The following PCDHA9 variants were observed in gnomAD, a reference collection of about 807,000 sequenced individuals.
The protein encoded by PCDHA9 is protocadherin alpha 9.
In PCDHA9, 62 loss-of-function variants were observed where a neutral mutation model predicts 62.0. That is an observed-to-expected ratio of 1.00 (90% CI 0.81 to 1.23). The LOEUF is 1.23. PCDHA9 is among the 50% of genes most tolerant of loss of function. The pLI, the probability that PCDHA9 is intolerant of heterozygous loss-of-function variation, is 0.00. For synonymous variants in PCDHA9, 557 were observed against 567.6 expected, an observed-to-expected ratio of 0.98 and a Z score of 0.27; for missense variants, 1,205 against 1,249.8, an observed-to-expected ratio of 0.96 and a Z score of 0.54.
intron 2 of PCDHA9, among the ~76,000 whole-genome samples, chr5:140,980,549 G>A (rs1382828581): frequency 1.3e-5 from 2 of 152,162 alleles, no homozygotes; most frequent in Non-Finnish European, 2.9e-5. Context: ...AGAATCGCTT[G>A]AACCCGGGAG....
At chr5:140,901,128 A>G (rs1429296842) in intron 1 of PCDHA9, among the ~76,000 whole-genome samples, 3 of 152,114 alleles carry the variant, frequency 2.0e-5, no homozygotes, top group South Asian at 2.1e-4. Flanking sequence ...TTAGATGGGT[A>G]GATTGTAAAT....
chr5:140,860,028 C>A (rs2046140974), intron 1 of PCDHA9: 1 of 151,914 alleles, frequency 6.6e-6, no homozygotes, highest in South Asian at 2.1e-4. Context: ...GTGGCTCACA[C>A]CTGTAATCCC....
At chr5:140,996,947 T>C (rs1224598113) in intron 3 of PCDHA9, among the ~76,000 whole-genome samples, 2 of 152,176 alleles carry the variant, frequency 1.3e-5, no homozygotes, top group Non-Finnish European at 2.9e-5. Context: ...CATAGAAATA[T>C]TTATTTCCCT....
chr5:140,965,654 G>A (rs1194762396), intron 1 of PCDHA9, among the ~76,000 whole-genome samples: 5 of 152,150 alleles, frequency 3.3e-5, no homozygotes, highest in Non-Finnish European at 7.4e-5. Flanking sequence ...GAAAGAAAAT[G>A]TCTTGGGTGA....
chr5:140,971,778 G>T (rs1346530602), intron 1 of PCDHA9, among the ~76,000 whole-genome samples: 1 of 151,860 alleles, frequency 6.6e-6, no homozygotes, highest in Admixed American at 6.6e-5. Flanking sequence ...TATTATTCAA[G>T]ATTATTCAAT....
intron 1 of PCDHA9, among the ~76,000 whole-genome samples, chr5:140,972,812 C>T (rs782305867): frequency 5.3e-5 from 8 of 151,914 alleles, no homozygotes; most frequent in East Asian, 3.9e-4. Context: ...TACAGGCACG[C>T]GCCACCACGC....
At chr5:140,967,845 A>G in intron 1 of PCDHA9, 3 of 1,614,160 alleles carry the variant, frequency 1.9e-6, no homozygotes, top group Non-Finnish European at 2.5e-6. Flanking sequence ...GACGTGAATG[A>G]CAATGCCCCA....
At chr5:141,005,930 G>C (rs1179599253) in intron 3 of PCDHA9, among the ~76,000 whole-genome samples, 1 of 151,958 alleles carries the variant, frequency 6.6e-6, no homozygotes, top group African/African-American at 2.4e-5. Context: ...CTGGTTGACA[G>C]AGTGAGAACC....
chr5:140,930,411 A>C (rs1554207797), intron 1 of PCDHA9: 2 of 149,218 alleles, frequency 1.3e-5, no homozygotes, highest in African/African-American at 2.5e-5. Context: ...TTTTTGAGAC[A>C]GGGGTCTCAC....
chr5:140,997,971 G>A (rs2097791982), intron 3 of PCDHA9, among the ~76,000 whole-genome samples: 3 of 152,086 alleles, frequency 2.0e-5, no homozygotes, highest in Admixed American at 2.0e-4. Context: ...CCTGTGGTTG[G>A]ACTGCACTTG....
At position 140,858,521 on chromosome 5, in the gene PCDHA9, A is replaced by T. The variant is rs782589492; in HGVS notation, c.2394+7632A>T. 6.3e-6 allele frequency: 9 copies of T among 1,420,880 alleles called. 2 individuals are homozygous for T. The African/African-American group carries it at 1.3e-4, about 20-fold the overall frequency. 88.0% of individuals were successfully genotyped at this position (1,420,880 alleles called of 1,614,324 possible). ...CATTTTCTCAAATATGTATCAGAAT[A>T]TTTCATTTTTGTCTACATTCCATTT... On this transcript the variant is annotated intron_variant, in intron 1 of 3. Transcript: ENST00000532602.
chr5:140,930,747 CAT>C (rs2087070106), intron 1 of PCDHA9, among the ~76,000 whole-genome samples: 1 of 152,116 alleles, frequency 6.6e-6, no homozygotes, highest in Non-Finnish European at 1.5e-5. Context: ...AATAAATTTA[CAT>C]ATGTTAAAAT....
chr5:140,928,570 C>G, intron 1 of PCDHA9: 1 of 1,614,196 alleles, frequency 6.2e-7, no homozygotes, highest in Non-Finnish European at 8.5e-7. Flanking sequence ...GTTTCCCTTG[C>G]CCAGAAATGG....
In PCDHA9 at chr5:140,904,790, G is replaced by T. The variant is rs139747501; in HGVS notation, c.2394+53901G>T. 2.6e-3 allele frequency among the ~76,000 whole-genome samples: 392 copies of T among 152,018 alleles called. 4 individuals carry two copies. In the East Asian group the frequency reaches 0.045, roughly 17 times the overall value. The stretch of plus-strand genomic sequence containing the variant: ...TGGTATCACATTATTGTTTTAATTT[G>T]CATTTTCCTGATAATTAGTGATGTT... On this transcript the variant is annotated intron_variant, in intron 1 of 3. Coordinates refer to ENST00000532602, the MANE Select transcript of PCDHA9 (RefSeq NM_031857.2).
intron 1 of PCDHA9, chr5:140,968,554 A>G (rs782240700): frequency 1.9e-6 from 3 of 1,614,162 alleles, no homozygotes; most frequent in Non-Finnish European, 2.5e-6. Context: ...TGGTGCCTCG[A>G]ACTGCCCCTG....
In PCDHA9 at chr5:140,852,899, G is replaced by A; in HGVS notation, c.2394+2010G>A. On this transcript the variant is annotated intron_variant, in intron 1 of 3. Transcript: ENST00000532602. ...TCATAAAACGTATTTTTTTTTTTGA[G>A]TCAGAGTCTCGCTCTGTTGCCCAGG... 4.8e-6 allele frequency: 4 copies of A among 840,714 alleles called. 1 individual carries two copies. Among genetic ancestry groups the A allele is most frequent in the Non-Finnish European group, 5.8e-6 (4 of 685,948 alleles). The allele number at this position is 840,714 out of a possible 1,614,324, so 52.1% of individuals were successfully genotyped here.
At chr5:140,987,997 T>C (rs2097277277) in intron 3 of PCDHA9, among the ~76,000 whole-genome samples, 1 of 152,212 alleles carries the variant, frequency 6.6e-6, no homozygotes, top group African/African-American at 2.4e-5. Flanking sequence ...TCTCTGATCC[T>C]TCCCCAGAAA....
At chr5:140,973,870 T>A (rs2153801427) in intron 1 of PCDHA9, among the ~76,000 whole-genome samples, 1 of 152,264 alleles carries the variant, frequency 6.6e-6, no homozygotes. Flanking sequence ...CAATGAGAGG[T>A]CAGAATAATG....
Position 140,857,207 on chromosome 5 carries a change from T to C in PCDHA9, c.2394+6318T>C, listed in dbSNP as rs374547664. The C allele has an allele frequency of 2.5e-6, 4 of 1,598,416 alleles. No homozygotes were observed. In the African/African-American group the frequency reaches 5.4e-5, roughly 22 times the overall value. ...AGGAGCCAACGGACAGGTCACCTGC[T>C]CTCTGACGCCTCACGTTCCGTTCAA... is the stretch of plus-strand genomic sequence containing the variant. On this transcript the variant is annotated intron_variant, in intron 1 of 3. Transcript: ENST00000532602.
Sources: allele counts gnomAD v4.1 joint callset (sites outside exome capture counted in the v4.1 genomes callset), GRCh38; gene constraint gnomAD v4.1.1; transcripts MANE v1.5; gene names NCBI Gene and HGNC (gene_info 2026-07-23, HGNC 2026-07-21).